The following DEFB118 variants were observed in gnomAD, a reference collection of about 807,000 sequenced individuals.
The protein encoded by DEFB118 is defensin, beta 18.
In DEFB118, 3 loss-of-function variants were observed where a neutral mutation model predicts 2.8. That is an observed-to-expected ratio of 1.09 (90% CI 0.50 to 2.82). The LOEUF is 2.82. DEFB118 is among the 30% of genes most tolerant of loss of function. The pLI, the probability that DEFB118 is intolerant of heterozygous loss-of-function variation, is 0.04. For missense variants in DEFB118, 159 were observed against 144.6 expected (o/e 1.10, Z -0.51); for synonymous variants, 63 against 53.5 (o/e 1.18, Z -0.78).
rs1986247392 is a variant in DEFB118, at chr20:31,373,200, C to T, written c.*30C>T. ...CTCTCGGCTATCACTCACCCCTGTC[C>T]TCAGAGTGATAAACTAAGTCACATA... On this transcript the variant is annotated 3_prime_UTR_variant, in exon 2 of 2. Transcript: ENST00000253381. 6.3e-7 allele frequency: 1 copy of T among 1,593,080 alleles called. No individual in the cohort carries two copies. The highest frequency in any genetic ancestry group is 1.3e-5 in the African/African-American group (1 of 74,548).
chr20:31,368,686 G>A lies in DEFB118; in HGVS notation c.36G>A (p.Val12=). The change falls in exon 1 of 2, where the codon GTG becomes GTA. Residue 12 remains valine (V), a synonymous_variant. Coordinates refer to ENST00000253381, the MANE Select transcript of DEFB118 (RefSeq NM_054112.3). ...KLLLLALPML[V]LLPQVIPAYS... is the part of the protein sequence containing the mutation. ...TGCTGCTGGCTCTTCCTATGCTTGT[G>A]CTCCTACCCCAAGTGATCCCAGGTA... 1 of 1,613,710 alleles carries A rather than the reference G, an allele frequency of 6.2e-7. No homozygotes were observed. The highest frequency in any genetic ancestry group is 1.1e-5 in the South Asian group (1 of 91,076).
chr20:31,371,671 C>A (rs1402686905), intron 1 of DEFB118, among the ~76,000 whole-genome samples: 1 of 151,936 alleles, frequency 6.6e-6, no homozygotes, highest in Admixed American at 6.6e-5. Context: ...TTATTTTATA[C>A]TTTGGTTTAT....
intron 1 of DEFB118, among the ~76,000 whole-genome samples, chr20:31,371,228 G>T (rs769994443): frequency 6.6e-6 from 1 of 152,038 alleles, no homozygotes; most frequent in Non-Finnish European, 1.5e-5. Context: ...TGCACTTGCT[G>T]CTTCCTCTGC....
At position 31,368,662 on chromosome 20, in the gene DEFB118, G is replaced by T; in HGVS notation, c.12G>T (p.Leu4=). Residue 4 remains leucine, a synonymous_variant, in exon 1 of 2, where the codon CTG becomes CTT. Coordinates refer to ENST00000253381, the MANE Select transcript of DEFB118 (RefSeq NM_054112.3). ...GCTTCCCAAGGACCATGAAACTCCT[G>T]CTGCTGGCTCTTCCTATGCTTGTGC... MKL[L]LLALPMLVLL... is the part of the protein sequence containing the mutation. 6.2e-7 allele frequency: 1 copy of T among 1,613,820 alleles called. No individual in the cohort carries two copies. The highest frequency in any genetic ancestry group is 1.1e-5 in the South Asian group (1 of 91,074).
rs1405513249 is a variant in DEFB118 at position 31,373,229 on chromosome 20, A to G, written c.*59A>G. On this transcript the variant is annotated 3_prime_UTR_variant, in exon 2 of 2. Transcript: ENST00000253381. ...GAGTGATAAACTAAGTCACATACAG[A>G]TAAAGCACTGAAAACACCACAGTGA... 4.0e-6 allele frequency: 6 copies of G among 1,509,350 alleles called. No individual in the cohort carries two copies. The Admixed American group carries it at 5.4e-5, about 14-fold the overall frequency. 93.5% of individuals were successfully genotyped at this position (1,509,350 alleles called of 1,614,324 possible).
chr20:31,371,502 G>A (rs774848332), intron 1 of DEFB118, among the ~76,000 whole-genome samples: 3 of 148,894 alleles, frequency 2.0e-5, no homozygotes, highest in Non-Finnish European at 4.4e-5. Flanking sequence ...AGACAGTCTC[G>A]CTCTGTTGCC....
At chr20:31,372,539 C>T (rs1022626966) in intron 1 of DEFB118, among the ~76,000 whole-genome samples, 12 of 152,062 alleles carry the variant, frequency 7.9e-5, no homozygotes, top group African/African-American at 2.9e-4. Context: ...CAGAGTGAGA[C>T]TCCATCTAAA....
Position 31,372,945 on chromosome 20 carries a change from A to C in DEFB118, c.147A>C (p.Lys49Asn), listed in dbSNP as rs1358205806. ...GAGAAGCAGTGAAAGATACATGCAA[A>C]AATCTTCGAGCTTGCTGCATTCCAT... ...KDGEAVKDTC[K>N]NLRACCIPSN... The change falls in exon 2 of 2, where the codon AAA (lysine) becomes AAC (asparagine). Residue 49 changes from lysine (K) to asparagine (N), a missense_variant. Physicochemically the swap from Lys to Asn is moderately conservative, Grantham distance 94. Coordinates refer to ENST00000253381, the MANE Select transcript of DEFB118 (RefSeq NM_054112.3). 6.2e-7 allele frequency: 1 copy of C among 1,614,218 alleles called. No individual in the cohort carries two copies. Among genetic ancestry groups the C allele is most frequent in the Middle Eastern group, 1.6e-4 (1 of 6,062 alleles).
chr20:31,370,381 A>C (rs1171267532), intron 1 of DEFB118, among the ~76,000 whole-genome samples: 1 of 152,168 alleles, frequency 6.6e-6, no homozygotes, highest in Non-Finnish European at 1.5e-5. Flanking sequence ...GGAGATATTG[A>C]GACTAGGAAA....
chr20:31,372,405 T>A (rs1986225192), intron 1 of DEFB118, among the ~76,000 whole-genome samples: 2 of 151,896 alleles, frequency 1.3e-5, no homozygotes, highest in African/African-American at 4.8e-5. Context: ...AAAAATTAGC[T>A]GGGTGTGGTG....
intron 1 of DEFB118, among the ~76,000 whole-genome samples, chr20:31,369,718 T>G (rs867497989): frequency 3.9e-5 from 6 of 152,168 alleles, no homozygotes; most frequent in African/African-American, 1.4e-4. Flanking sequence ...TCACTTATTA[T>G]TTTGTGGCCA....
intron 1 of DEFB118, among the ~76,000 whole-genome samples, chr20:31,370,450 G>C: frequency 6.6e-6 from 1 of 152,138 alleles, no homozygotes; most frequent in Non-Finnish European, 1.5e-5. Context: ...CTCAGCATAT[G>C]GGAAGTGAAG....
chr20:31,373,101 T>C lies in DEFB118; in HGVS notation c.303T>C (p.Asp101=), dbSNP rs148578822. Reference sequence around the variant, plus strand: ...ACTTTGAAGTAAGCAGCAAGAAAGATATGGTTGAAGAGTCTGAGGCGGGAA... The same window carrying C: ...ACTTTGAAGTAAGCAGCAAGAAAGACATGGTTGAAGAGTCTGAGGCGGGAA... ...TDYFEVSSKK[D]MVEESEAGRG... Residue 101 remains aspartate, a synonymous_variant, in exon 2 of 2, where the codon GAT becomes GAC. Coordinates refer to ENST00000253381, the MANE Select transcript of DEFB118 (RefSeq NM_054112.3). 1.8e-4 allele frequency: 292 copies of C among 1,614,148 alleles called. No homozygotes were observed. The highest frequency in any genetic ancestry group is 2.4e-4 in the Non-Finnish European group (284 of 1,180,034).
intron 1 of DEFB118, 112 bp downstream of exon 1, chr20:31,368,820 C>T (rs994497971): frequency 1.0e-6 from 1 of 1,002,870 alleles, no homozygotes; most frequent in African/African-American, 1.6e-5. Flanking sequence ...AGTTCCCACA[C>T]TGGGACTATG....
At position 31,371,461 on chromosome 20, in the gene DEFB118, C is replaced by CT. The variant is rs572387181; in HGVS notation, c.59-1389dup. On this transcript the variant is annotated intron_variant, in intron 1 of 1. Transcript: ENST00000253381. ...TTTTACTTTCTTCTCTTATTATCTACTTTTTTTCTTTTTCTTTTTTTTCTT... is the reference window on the plus strand; with the variant it reads ...TTTTACTTTCTTCTCTTATTATCTACTTTTTTTTCTTTTTCTTTTTTTTCTT... Among the ~76,000 whole-genome samples, 988 of 151,782 alleles carry CT rather than the reference C, an allele frequency of 6.5e-3. 13 individuals carry two copies. The highest frequency in any genetic ancestry group is 0.023 in the African/African-American group (937 of 41,434).
In DEFB118 at chr20:31,373,191, A is replaced by G; in HGVS notation, c.*21A>G. On this transcript the variant is annotated 3_prime_UTR_variant, in exon 2 of 2. Coordinates refer to ENST00000253381, the MANE Select transcript of DEFB118 (RefSeq NM_054112.3). ...CATGACTTCCTCTCGGCTATCACTC[A>G]CCCCTGTCCTCAGAGTGATAAACTA... is the stretch of plus-strand genomic sequence containing the variant. 2 of 1,603,570 alleles carry G rather than the reference A, an allele frequency of 1.2e-6. No individual in the cohort carries two copies. The highest frequency in any genetic ancestry group is 1.7e-6 in the Non-Finnish European group (2 of 1,174,266).
Position 31,368,667 on chromosome 20 carries a change from TG to T in DEFB118, c.19del (p.Ala7LeufsTer11), listed in dbSNP as rs1397830340. 10 of 1,613,752 alleles carry T rather than the reference TG, an allele frequency of 6.2e-6. No individual in the cohort carries two copies. The highest frequency in any genetic ancestry group is 8.5e-6 in the Non-Finnish European group (10 of 1,179,814). MKLLLLALPMLVLLPQ... is the reference protein window; with the variant it reads MKLLLXALPMLVLLPQ... ...CCAAGGACCATGAAACTCCTGCTGC[TG>T]GCTCTTCCTATGCTTGTGCTCCTAC... On this transcript the variant is annotated frameshift_variant, in exon 1 of 2. Transcript: ENST00000253381. LOFTEE classifies it low-confidence loss of function (END_TRUNC).
At chr20:31,369,087 T>C (rs567304658) in intron 1 of DEFB118, among the ~76,000 whole-genome samples, 269 of 152,304 alleles carry the variant, frequency 1.8e-3, no homozygotes, top group African/African-American at 6.0e-3. Flanking sequence ...TTTCTAATAT[T>C]CTAGAATTTG....
At position 31,373,290 on chromosome 20, in the gene DEFB118, T is replaced by C. The variant is rs935151017; in HGVS notation, c.*120T>C. ...CCCCACCAATATGTAATTCTATTAA[T>C]AGAAACAGCTGTGTAAAGAAGTCTA... On this transcript the variant is annotated 3_prime_UTR_variant, in exon 2 of 2. Transcript: ENST00000253381. The C allele has an allele frequency of 1.2e-6, 1 of 863,732 alleles. No homozygotes were observed. Among genetic ancestry groups the C allele is most frequent in the Admixed American group, 2.9e-5 (1 of 34,978 alleles). The allele number at this position is 863,732 out of a possible 1,614,324, so 53.5% of individuals were successfully genotyped here.
Sources: gnomAD v4.1 joint callset for allele counts (sites outside exome capture counted in the v4.1 genomes callset) on GRCh38, gnomAD v4.1.1 for gene constraint, MANE v1.5 for transcripts, NCBI Gene and HGNC (gene_info 2026-07-23, HGNC 2026-07-21) for gene names.